GOSR1: variants seen among roughly 807,000 people sequenced by gnomAD.
GOSR1 encodes the protein 28 kDa Golgi SNARE protein.
A neutral mutation model predicts 35.5 loss-of-function variants in GOSR1; 21 were observed. That is an observed-to-expected ratio of 0.59 (90% CI 0.42 to 0.85). The LOEUF (loss-of-function observed/expected upper bound fraction) is 0.85, where lower values mean the gene tolerates loss of function less well. GOSR1 is among the 40% of genes least tolerant of loss of function. The pLI, the probability that GOSR1 is intolerant of heterozygous loss-of-function variation, is 0.00. For missense variants in GOSR1, 285 were observed against 309.6 expected, an observed-to-expected ratio of 0.92 and a Z score of 0.60; for synonymous variants, 94 against 106.6, an observed-to-expected ratio of 0.88 and a Z score of 0.73.
intron 4 of GOSR1, chr17:30,485,267 GC>G: frequency 5.6e-6 from 1 of 177,256 alleles, no homozygotes; most frequent in Non-Finnish European, 1.2e-5. Flanking sequence ...AAATAGGAAG[GC>G]AATTTTTTTT....
chr17:30,490,263 G>T (rs1297174642), intron 5 of GOSR1, 46 bp downstream of exon 5: 3 of 1,000,004 alleles, frequency 3.0e-6, no homozygotes, highest in Middle Eastern at 2.1e-4. Flanking sequence ...ATTCAGATTT[G>T]GCTTTAGGAT....
At chr17:30,482,707 C>T (rs1218588992) in intron 2 of GOSR1, among the ~76,000 whole-genome samples, 2 of 152,154 alleles carry the variant, frequency 1.3e-5, no homozygotes, top group Non-Finnish European at 2.9e-5. Flanking sequence ...TTCATAAGGA[C>T]TCCTTGGTTG....
intron 4 of GOSR1, 27 bp from the exon 5 acceptor site, chr17:30,490,099 T>A: frequency 9.9e-7 from 1 of 1,011,296 alleles, no homozygotes; most frequent in Non-Finnish European, 1.6e-6. Flanking sequence ...TTAGCTTCTG[T>A]TGAGACTGGA....
rs1307810024 is a variant in GOSR1 at position 30,492,887 on chromosome 17, T to C, written c.509+134T>C. 10 of 585,824 alleles carry C rather than the reference T, an allele frequency of 1.7e-5. No homozygotes were observed. In the Admixed American group the frequency reaches 2.5e-4, roughly 15 times the overall value. 36.3% of individuals were successfully genotyped at this position (585,824 alleles called of 1,614,324 possible). On this transcript the variant is annotated intron_variant, in intron 6 of 8. Coordinates refer to ENST00000451249, the MANE Select transcript of GOSR1 (RefSeq NM_001007025.2). ...TAATTCATTTTATTCTCCTAATGACTCTTTTCAATAGAAAAGGAATTGCAA... is the reference window on the plus strand; with the variant it reads ...TAATTCATTTTATTCTCCTAATGACCCTTTTCAATAGAAAAGGAATTGCAA...
intron 7 of GOSR1, among the ~76,000 whole-genome samples, chr17:30,517,479 A>G (rs1048313667): frequency 1.1e-4 from 16 of 152,192 alleles, no homozygotes; most frequent in African/African-American, 3.6e-4. Flanking sequence ...AATATGTTAT[A>G]AACACCCCTT....
chr17:30,506,436 C>T (rs144276549), intron 6 of GOSR1, among the ~76,000 whole-genome samples: 1 of 152,244 alleles, frequency 6.6e-6, no homozygotes, highest in Admixed American at 6.5e-5. Flanking sequence ...ACAACATTCC[C>T]TTAGCCTAAG....
chr17:30,483,997 C>T (rs1424298859), intron 2 of GOSR1, among the ~76,000 whole-genome samples: 1 of 152,134 alleles, frequency 6.6e-6, no homozygotes, highest in Non-Finnish European at 1.5e-5. Flanking sequence ...CTTATTTCCT[C>T]TTGGTAAGAG....
intron 7 of GOSR1, among the ~76,000 whole-genome samples, chr17:30,515,157 C>G (rs1357721940): frequency 1.3e-5 from 2 of 152,084 alleles, no homozygotes; most frequent in Non-Finnish European, 2.9e-5. Context: ...TCCAGTCACT[C>G]ATTGCTGTTA....
intron 6 of GOSR1, among the ~76,000 whole-genome samples, chr17:30,501,386 A>T (rs956344202): frequency 6.6e-6 from 1 of 152,186 alleles, no homozygotes; most frequent in Non-Finnish European, 1.5e-5. Flanking sequence ...CACTGACAAC[A>T]TTAGAAGGAA....
chr17:30,487,838 C>T (rs936669016), intron 4 of GOSR1, among the ~76,000 whole-genome samples: 10 of 151,802 alleles, frequency 6.6e-5, no homozygotes, highest in Non-Finnish European at 1.5e-4. Context: ...TGCAATGGTG[C>T]GATCTCGGCT....
In GOSR1 at chr17:30,525,606, A is replaced by T. The variant is rs897844642; in HGVS notation, c.*3228A>T. 2.0e-5 allele frequency: 3 copies of T among 152,194 alleles called. No individual in the cohort carries two copies. The highest frequency in any genetic ancestry group is 7.2e-5 in the African/African-American group (3 of 41,444). The allele number at this position is 152,194 out of a possible 1,614,324, so 9.4% of individuals were successfully genotyped here. On this transcript the variant is annotated 3_prime_UTR_variant, in exon 9 of 9. Transcript: ENST00000451249. ...TGGCATTTATAAAATCTGAAGTATC[A>T]TAAATAAAGTTATTTATTTAATTAT...
chr17:30,503,809 G>T (rs1351777241), intron 6 of GOSR1, among the ~76,000 whole-genome samples: 2 of 152,198 alleles, frequency 1.3e-5, no homozygotes, highest in East Asian at 3.8e-4. Context: ...GGTTAAGCTA[G>T]TGTCAGCATC....
chr17:30,513,418 C>T (rs1967684434), intron 7 of GOSR1, among the ~76,000 whole-genome samples: 1 of 151,974 alleles, frequency 6.6e-6, no homozygotes, highest in Non-Finnish European at 1.5e-5. Context: ...AAATATTTGA[C>T]CCTTGAAATA....
At chr17:30,522,128 G>A (rs2143946633) in intron 8 of GOSR1, 126 bp from the exon 9 acceptor site, 1 of 734,216 alleles carries the variant, frequency 1.4e-6, no homozygotes, top group Non-Finnish European at 2.2e-6. Flanking sequence ...TTCCCTTGGT[G>A]TGAGTTTCTT....
chr17:30,478,043 C>T, intron 1 of GOSR1: 1 of 465,710 alleles, frequency 2.1e-6, no homozygotes, highest in South Asian at 9.1e-5. Flanking sequence ...AATAACTTAC[C>T]CTTCTGCTCT....
chr17:30,497,083 T>C (rs1967032185), intron 6 of GOSR1, among the ~76,000 whole-genome samples: 1 of 152,234 alleles, frequency 6.6e-6, no homozygotes, highest in Non-Finnish European at 1.5e-5. Context: ...TAATCATATG[T>C]ATGATAAGAA....
At chr17:30,507,224 T>A (rs1237663899) in intron 6 of GOSR1, among the ~76,000 whole-genome samples, 1 of 152,168 alleles carries the variant, frequency 6.6e-6, no homozygotes, top group Non-Finnish European at 1.5e-5. Flanking sequence ...CTGTGCAAAG[T>A]AAATTGAAAG....
chr17:30,492,094 C>G (rs1160965269), intron 5 of GOSR1, among the ~76,000 whole-genome samples: 1 of 152,028 alleles, frequency 6.6e-6, no homozygotes, highest in African/African-American at 2.4e-5. Flanking sequence ...AAAATTGTTC[C>G]TGATACTTTA....
chr17:30,519,304 C>T (rs374674810), intron 7 of GOSR1, among the ~76,000 whole-genome samples: 81 of 152,270 alleles, frequency 5.3e-4, no homozygotes, highest in South Asian at 2.5e-3. Flanking sequence ...CCTCCCACCT[C>T]GGTCTTCCAA....
Sources: gnomAD v4.1 joint callset for allele counts (sites outside exome capture counted in the v4.1 genomes callset) on GRCh38, gnomAD v4.1.1 for gene constraint, MANE v1.5 for transcripts, NCBI Gene and HGNC (gene_info 2026-07-23, HGNC 2026-07-21) for gene names.